Variants in AGPAT4 observed in about 807,000 individuals in gnomAD.
The protein encoded by AGPAT4 is 1-acylglycerol-3-phosphate O-acyltransferase 4.
Under a neutral mutation model 48.0 loss-of-function variants are expected in AGPAT4, and 15 were observed. The observed-to-expected ratio is 0.31, with a 90% CI of 0.21 to 0.48. The LOEUF is 0.48. Ranked by LOEUF, AGPAT4 falls within the 20% of genes least tolerant of loss-of-function variation. AGPAT4 has a pLI of 0.99. For synonymous variants in AGPAT4, 178 were observed against 198.7 expected (o/e 0.90, Z 0.88); for missense variants, 314 against 482.5 (o/e 0.65, Z 3.27).
intron 3 of AGPAT4, chr6:161,160,865 G>A (rs757157853): frequency 7.4e-5 from 29 of 393,854 alleles, no homozygotes; most frequent in Non-Finnish European, 1.3e-4. Context: ...AGGCGTTACA[G>A]GGGTAGGTGG....
At chr6:161,273,259 AAATTAGGTAAATAGAGAGGTAATT>A (rs1783481026) in intron 1 of AGPAT4, among the ~76,000 whole-genome samples, 1 of 152,172 alleles carries the variant, frequency 6.6e-6, no homozygotes, top group African/African-American at 2.4e-5. Context: ...CATAGGCCGA[AAATTAGGTAAATAGAGAGGTAATT>A]ACCAATGCCT....
rs1377169343 is a variant in AGPAT4, at chr6:161,212,192, A to G, written c.178+19844T>C. Among the ~76,000 whole-genome samples, 1 of 152,156 alleles carries G rather than the reference A, an allele frequency of 6.6e-6. No homozygotes were observed. The highest frequency in any genetic ancestry group is 2.4e-5 in the African/African-American group (1 of 41,452). On this transcript the variant is annotated intron_variant, in intron 2 of 8. Coordinates refer to ENST00000320285, the MANE Select transcript of AGPAT4 (RefSeq NM_020133.3). This position sits in a 1 kb window ranked among gnomAD's most constrained non-coding sequence, Gnocchi z 6.1. Reference sequence around the variant, plus strand: ...TATGGTCAAGATTAAAATTTTATAGATTGTTTACAAAATTTTGAAAAACAA... The same window carrying G: ...TATGGTCAAGATTAAAATTTTATAGGTTGTTTACAAAATTTTGAAAAACAA...
intron 2 of AGPAT4, among the ~76,000 whole-genome samples, chr6:161,224,484 A>G (rs1487616740): frequency 6.6e-6 from 1 of 151,972 alleles, no homozygotes; most frequent in Non-Finnish European, 1.5e-5. Context: ...TCTACTAAAA[A>G]TATAAAAATT....
At position 161,180,827 on chromosome 6, in the gene AGPAT4, T is replaced by G. The variant is rs1261267216; in HGVS notation, c.179-14410A>C. Among the ~76,000 whole-genome samples, 1 of 152,150 alleles carries G rather than the reference T, an allele frequency of 6.6e-6. No individual in the cohort carries two copies. Among genetic ancestry groups the G allele is most frequent in the African/African-American group, 2.4e-5 (1 of 41,442 alleles). On this transcript the variant is annotated intron_variant, in intron 2 of 8. Transcript: ENST00000320285. This position sits in a 1 kb window ranked among gnomAD's most constrained non-coding sequence, Gnocchi z 6.4. ...GGAGGTCAGTCGTCAAGTTACAGGG[T>G]GCCCACCAGACCCTCTCTGTGCCTG...
At chr6:161,157,803 G>A (rs1024519043) in intron 3 of AGPAT4, among the ~76,000 whole-genome samples, 1 of 152,178 alleles carries the variant, frequency 6.6e-6, no homozygotes, top group African/African-American at 2.4e-5. Context: ...TGGCAGGGCT[G>A]CATGAAAAGC....
chr6:161,237,598 AAAG>A (rs1215602835), intron 1 of AGPAT4, among the ~76,000 whole-genome samples: 10 of 152,238 alleles, frequency 6.6e-5, no homozygotes, highest in East Asian at 1.9e-4. Context: ...AAAAGTTCAC[AAAG>A]AAGTATAATT....
intron 1 of AGPAT4, among the ~76,000 whole-genome samples, chr6:161,258,951 C>G (rs1306750919): frequency 6.6e-6 from 1 of 151,916 alleles, no homozygotes; most frequent in Non-Finnish European, 1.5e-5. Context: ...CGCCCGCCAC[C>G]AGGCCCAGCT....
intron 2 of AGPAT4, among the ~76,000 whole-genome samples, chr6:161,188,560 G>A (rs1780832876): frequency 6.6e-6 from 1 of 152,160 alleles, no homozygotes; most frequent in Non-Finnish European, 1.5e-5. Flanking sequence ...TTTAGCATAA[G>A]TATGTCCCAC....
intron 2 of AGPAT4, among the ~76,000 whole-genome samples, chr6:161,190,152 A>G (rs1035804407): frequency 4.4e-4 from 67 of 152,194 alleles, no homozygotes; most frequent in Non-Finnish European, 1.6e-4. Context: ...AATAAGGAAC[A>G]CGGGATTTTT....
In AGPAT4 at chr6:161,154,692, A is replaced by C. The variant is rs142973018; in HGVS notation, c.349-382T>G. On this transcript the variant is annotated intron_variant, in intron 3 of 8. Transcript: ENST00000320285. This position sits in a 1 kb window ranked among gnomAD's most constrained non-coding sequence, Gnocchi z 7.8. ...TAAGCCCACCGTGCAGCTGTGTGAC[A>C]CTAATTTGTGCACCTCTTTTCTGCA... Among the ~76,000 whole-genome samples, 7 of 152,372 alleles carry C rather than the reference A, an allele frequency of 4.6e-5. No homozygotes were observed. Among genetic ancestry groups the C allele is most frequent in the African/African-American group, 1.2e-4 (5 of 41,594 alleles).
chr6:161,185,633 T>C (rs1289548668), intron 2 of AGPAT4, among the ~76,000 whole-genome samples: 1 of 152,186 alleles, frequency 6.6e-6, no homozygotes, highest in African/African-American at 2.4e-5. Context: ...CTTATGCTAT[T>C]CTCTCTACTC....
rs1006558375 is a variant in AGPAT4 at position 161,266,171 on chromosome 6, A to G, written c.-90+7767T>C. Among the ~76,000 whole-genome samples the G allele has an allele frequency of 1.3e-5, 2 of 152,132 alleles. No individual in the cohort carries two copies. The highest frequency in any genetic ancestry group is 2.9e-5 in the Non-Finnish European group (2 of 68,018). On this transcript the variant is annotated intron_variant, in intron 1 of 8. Coordinates refer to ENST00000320285, the MANE Select transcript of AGPAT4 (RefSeq NM_020133.3). This position sits in a 1 kb window ranked among gnomAD's most constrained non-coding sequence, Gnocchi z 6.2. ...TTAGAGGCCAGGAATGTGGCTGAGC[A>G]TCCGATTCTGCACAGGTTGGCCTCT...
chr6:161,167,504 G>A (rs546099055), intron 2 of AGPAT4, among the ~76,000 whole-genome samples: 1 of 152,136 alleles, frequency 6.6e-6, no homozygotes, highest in East Asian at 1.9e-4. Context: ...GATTACAGGC[G>A]TGAGCCACTG....
chr6:161,178,915 C>A lies in AGPAT4; in HGVS notation c.179-12498G>T, dbSNP rs1355214158. On this transcript the variant is annotated intron_variant, in intron 2 of 8. Transcript: ENST00000320285. This position sits in a 1 kb window ranked among gnomAD's most constrained non-coding sequence, Gnocchi z 5.1. ...TCTTGCAGCCACATCTGGCTTTGAC[C>A]AGTTGCTGCTGCCTGTTCTACAAAC... Among the ~76,000 whole-genome samples the A allele has an allele frequency of 6.6e-6, 1 of 152,186 alleles. No homozygotes were observed. The highest frequency in any genetic ancestry group is 1.5e-5 in the Non-Finnish European group (1 of 68,030).
Position 161,221,974 on chromosome 6 carries a change from T to G in AGPAT4, c.178+10062A>C, listed in dbSNP as rs1781847840. Among the ~76,000 whole-genome samples the G allele has an allele frequency of 6.6e-6, 1 of 152,200 alleles. No individual in the cohort carries two copies. The highest frequency in any genetic ancestry group is 6.5e-5 in the Admixed American group (1 of 15,282). On this transcript the variant is annotated intron_variant, in intron 2 of 8. Coordinates refer to ENST00000320285, the MANE Select transcript of AGPAT4 (RefSeq NM_020133.3). The surrounding 1 kb of genome is among the most constrained non-coding windows in gnomAD (Gnocchi z 4.5). ...CACAAGCACTGGGCTTTCAACATCT[T>G]GGAAGGACATAATTCAGGTGTGACA...
rs537433566 is a variant in AGPAT4, at chr6:161,221,556, A to G, written c.178+10480T>C. Among the ~76,000 whole-genome samples, 1 of 152,316 alleles carries G rather than the reference A, an allele frequency of 6.6e-6. No homozygotes were observed. Among genetic ancestry groups the G allele is most frequent in the South Asian group, 2.1e-4 (1 of 4,828 alleles). On this transcript the variant is annotated intron_variant, in intron 2 of 8. Transcript: ENST00000320285. The surrounding 1 kb of genome is among the most constrained non-coding windows in gnomAD (Gnocchi z 4.5). Reference sequence around the variant, plus strand: ...GAAACTGGACTTCACTTTGGACTTCACCACCACAGTAGAAGAAAAGACTTA... The same window carrying G: ...GAAACTGGACTTCACTTTGGACTTCGCCACCACAGTAGAAGAAAAGACTTA...
In AGPAT4 at chr6:161,136,526, G is replaced by A. The variant is rs758995721; in HGVS notation, c.*14C>T. 3 of 1,612,828 alleles carry A rather than the reference G, an allele frequency of 1.9e-6. No homozygotes were observed. Among genetic ancestry groups the A allele is most frequent in the Non-Finnish European group, 1.7e-6 (2 of 1,178,988 alleles). ...TTCCCCAAGGTTCCCTTCGGATGGTGACACCTCCCTGAGTCAGTCATTCAG... is the reference window on the plus strand; with the variant it reads ...TTCCCCAAGGTTCCCTTCGGATGGTAACACCTCCCTGAGTCAGTCATTCAG... On this transcript the variant is annotated 3_prime_UTR_variant, in exon 9 of 9. Transcript: ENST00000320285.
Position 161,232,055 on chromosome 6 carries a change from C to G in AGPAT4, c.159G>C (p.Leu53=). 6.2e-7 allele frequency: 1 copy of G among 1,614,010 alleles called. No individual in the cohort carries two copies. The highest frequency in any genetic ancestry group is 8.5e-7 in the Non-Finnish European group (1 of 1,179,984). The part of the protein sequence containing the change: ...KQLFRKINCR[L]SYCISSQLVM... ...TCTTACGGCTTGAGATGCAATAGGA[C>G]AGTCTGCAGTTGATCTTCCGGAAGA... The change falls in exon 2 of 9, where the codon CTG becomes CTC. Residue 53 remains leucine, a synonymous_variant. Coordinates refer to ENST00000320285, the MANE Select transcript of AGPAT4 (RefSeq NM_020133.3). The surrounding 1 kb of genome is among the most constrained non-coding windows in gnomAD (Gnocchi z 6.8).
At position 161,131,356 on chromosome 6, in the gene AGPAT4, T is replaced by C. The variant is rs541412234; in HGVS notation, c.*5184A>G. 1 of 153,598 alleles carries C rather than the reference T, an allele frequency of 6.5e-6. No individual in the cohort carries two copies. Among genetic ancestry groups the C allele is most frequent in the South Asian group, 2.0e-4 (1 of 4,902 alleles). 9.5% of individuals were successfully genotyped at this position (153,598 alleles called of 1,614,324 possible). ...AGGAAGGCCTGGGTGGGAACCTGGATGTCCTTTCCTGGAGAACAGCTTTGC... is the reference window on the plus strand; with the variant it reads ...AGGAAGGCCTGGGTGGGAACCTGGACGTCCTTTCCTGGAGAACAGCTTTGC... On this transcript the variant is annotated 3_prime_UTR_variant, in exon 9 of 9. Coordinates refer to ENST00000320285, the MANE Select transcript of AGPAT4 (RefSeq NM_020133.3).
Sources: allele counts gnomAD v4.1 joint callset (sites outside exome capture counted in the v4.1 genomes callset), GRCh38; gene constraint gnomAD v4.1.1; non-coding constraint Gnocchi (gnomAD v3.1); transcripts MANE v1.5; gene names NCBI Gene and HGNC (gene_info 2026-07-23, HGNC 2026-07-21).